The following ARHGAP42 variants were observed in gnomAD, a reference collection of about 807,000 sequenced individuals.
ARHGAP42 encodes the protein rho GTPase-activating protein 42.
ARHGAP42 carries 63 observed loss-of-function variants against 125.0 expected under a neutral mutation model. The observed-to-expected ratio is 0.50, with a 90% CI of 0.41 to 0.62. ARHGAP42 has a LOEUF of 0.62. Ranked by LOEUF, ARHGAP42 falls within the 20% of genes least tolerant of loss-of-function variation. The pLI is 0.00. For missense variants in ARHGAP42, 766 were observed against 1,024.2 expected (o/e 0.75, Z 3.44); for synonymous variants, 339 against 351.0 (o/e 0.97, Z 0.38).
At chr11:100,857,825 A>G (rs1190931171) in intron 3 of ARHGAP42, among the ~76,000 whole-genome samples, 1 of 152,082 alleles carries the variant, frequency 6.6e-6, no homozygotes, top group African/African-American at 2.4e-5. Context: ...TCAATACTAC[A>G]GAAACCCGTC....
At chr11:100,751,356 CTG>C (rs144506427) in intron 1 of ARHGAP42, among the ~76,000 whole-genome samples, 41,494 of 148,664 alleles carry the variant, frequency 0.28, 6,086 homozygotes, top group African/African-American at 0.32. Context: ...TCTCAGCTCA[CTG>C]TGCAGCCTCC....
intron 1 of ARHGAP42, among the ~76,000 whole-genome samples, chr11:100,758,943 A>G (rs946587629): frequency 6.6e-6 from 1 of 152,198 alleles, no homozygotes; most frequent in Non-Finnish European, 1.5e-5. Context: ...GCAAAGAAAT[A>G]GAAGCCCATG....
intron 4 of ARHGAP42, among the ~76,000 whole-genome samples, chr11:100,887,350 G>A (rs1374789797): frequency 6.6e-6 from 1 of 152,090 alleles, no homozygotes; most frequent in African/African-American, 2.4e-5. Flanking sequence ...TTCCCCTCCT[G>A]TGGCTGGTTC....
intron 4 of ARHGAP42, among the ~76,000 whole-genome samples, chr11:100,902,443 A>G (rs971620950): frequency 6.6e-6 from 1 of 152,218 alleles, no homozygotes; most frequent in Non-Finnish European, 1.5e-5. Flanking sequence ...TCAAGAGAAT[A>G]AGATTGTGAA....
At chr11:100,868,635 C>T (rs974987742) in intron 4 of ARHGAP42, among the ~76,000 whole-genome samples, 4 of 150,766 alleles carry the variant, frequency 2.7e-5, no homozygotes, top group African/African-American at 9.7e-5. Context: ...TCCTCTTCTT[C>T]TTAAAAATGC....
At chr11:100,795,520 A>T (rs1290907047) in intron 3 of ARHGAP42, among the ~76,000 whole-genome samples, 2 of 152,206 alleles carry the variant, frequency 1.3e-5, no homozygotes, top group East Asian at 3.8e-4. Context: ...AACATGTTTC[A>T]AATGTTTGAG....
intron 1 of ARHGAP42, among the ~76,000 whole-genome samples, chr11:100,744,179 C>T (rs1419041639): frequency 2.0e-5 from 3 of 152,212 alleles, no homozygotes; most frequent in Non-Finnish European, 4.4e-5. Context: ...CCATGTTGGC[C>T]AGTCTGGTCT....
chr11:100,975,974 G>T (rs1443701879), intron 19 of ARHGAP42, 83 bp from the exon 20 acceptor site: 9 of 1,413,034 alleles, frequency 6.4e-6, no homozygotes, highest in Non-Finnish European at 8.4e-6. Context: ...CACATGGTAA[G>T]TTGGAGAACA....
At chr11:100,897,795 A>C (rs575122551) in intron 4 of ARHGAP42, among the ~76,000 whole-genome samples, 1 of 152,294 alleles carries the variant, frequency 6.6e-6, no homozygotes, top group Non-Finnish European at 1.5e-5. Flanking sequence ...AACAGGGACA[A>C]TTTGACTTCC....
At chr11:100,945,954 A>G (rs1868003894) in intron 10 of ARHGAP42, among the ~76,000 whole-genome samples, 1 of 152,094 alleles carries the variant, frequency 6.6e-6, no homozygotes, top group South Asian at 2.1e-4. Flanking sequence ...GTCTTAAATG[A>G]GGGCATCTTC....
At chr11:100,892,896 C>A (rs548322540) in intron 4 of ARHGAP42, among the ~76,000 whole-genome samples, 1 of 152,136 alleles carries the variant, frequency 6.6e-6, no homozygotes, top group Non-Finnish European at 1.5e-5. Context: ...CTCTGATTAA[C>A]CTAAATATCT....
At chr11:100,982,247 C>T (rs1308293305) in intron 22 of ARHGAP42, among the ~76,000 whole-genome samples, 3 of 152,146 alleles carry the variant, frequency 2.0e-5, no homozygotes, top group Admixed American at 1.3e-4. Context: ...CTGGTTTTAA[C>T]TCCTAAGACA....
intron 1 of ARHGAP42, among the ~76,000 whole-genome samples, chr11:100,752,517 C>A (rs1862483437): frequency 6.6e-6 from 1 of 152,186 alleles, no homozygotes; most frequent in Non-Finnish European, 1.5e-5. Context: ...GGGTAGGAGT[C>A]CCTGAGAGCC....
chr11:100,822,050 C>A (rs964281520), intron 3 of ARHGAP42, among the ~76,000 whole-genome samples: 2 of 152,050 alleles, frequency 1.3e-5, no homozygotes, highest in African/African-American at 4.8e-5. Context: ...TGACATTTCA[C>A]CATGTGACTC....
Position 100,687,311 on chromosome 11 carries a change from A to G in ARHGAP42, c.-368A>G, listed in dbSNP as rs567355231. On this transcript the variant is annotated 5_prime_UTR_variant, in exon 1 of 24. Transcript: ENST00000298815. The stretch of plus-strand genomic sequence containing the variant: ...TCACAACGCCGACGACTGTCAAGAG[A>G]GTTGGGGAGTGGAACTGCCGGAAGT... Among the ~76,000 whole-genome samples the G allele has an allele frequency of 1.7e-4, 26 of 151,916 alleles. 1 individual carries two copies. In the South Asian group the frequency reaches 5.0e-3, roughly 29 times the overall value.
chr11:100,751,000 A>G (rs1862437571), intron 1 of ARHGAP42, among the ~76,000 whole-genome samples: 1 of 144,028 alleles, frequency 6.9e-6, no homozygotes, highest in Non-Finnish European at 1.5e-5. Context: ...GTGCAATGGC[A>G]TGATCTTGGC....
intron 3 of ARHGAP42, among the ~76,000 whole-genome samples, chr11:100,856,712 A>G (rs1337530335): frequency 6.6e-6 from 1 of 152,112 alleles, no homozygotes; most frequent in Non-Finnish European, 1.5e-5. Flanking sequence ...AGCTTTGAAT[A>G]ACTACATTTT....
chr11:100,925,300 C>A (rs1170403379), intron 6 of ARHGAP42, among the ~76,000 whole-genome samples: 2 of 152,034 alleles, frequency 1.3e-5, no homozygotes, highest in Non-Finnish European at 2.9e-5. Flanking sequence ...AATATAAAAT[C>A]AACAGCAGCC....
chr11:100,896,801 C>G (rs1366928423), intron 4 of ARHGAP42, among the ~76,000 whole-genome samples: 2 of 152,136 alleles, frequency 1.3e-5, no homozygotes, highest in Non-Finnish European at 2.9e-5. Context: ...CCTGTTCACT[C>G]TGATGGTAGT....
Sources: gnomAD v4.1 joint callset for allele counts (sites outside exome capture counted in the v4.1 genomes callset) on GRCh38, gnomAD v4.1.1 for gene constraint, MANE v1.5 for transcripts, NCBI Gene and HGNC (gene_info 2026-07-23, HGNC 2026-07-21) for gene names.